The following NCOA1 variants were observed in gnomAD, a reference collection of about 807,000 sequenced individuals.
The protein encoded by NCOA1 is Hin-2 protein.
NCOA1 carries 35 observed loss-of-function variants against 150.9 expected under a neutral mutation model. That is an observed-to-expected ratio of 0.23 (90% CI 0.18 to 0.31). The LOEUF is 0.31. Among genes scored for constraint, NCOA1 ranks in the 10% least tolerant of loss-of-function variants. NCOA1 has a pLI of 1.00. For synonymous variants in NCOA1, 590 were observed against 630.0 expected, an observed-to-expected ratio of 0.94 and a Z score of 0.95; for missense variants, 1,491 against 1,749.3, an observed-to-expected ratio of 0.85 and a Z score of 2.63.
At chr2:24,744,458 C>G (rs1454853078) in intron 19 of NCOA1, among the ~76,000 whole-genome samples, 1 of 152,126 alleles carries the variant, frequency 6.6e-6, no homozygotes, top group African/African-American at 2.4e-5. Flanking sequence ...TTTAAAGATG[C>G]AATGTTTTTA....
intron 3 of NCOA1, among the ~76,000 whole-genome samples, chr2:24,601,274 A>G (rs1319213722): frequency 1.3e-5 from 2 of 151,202 alleles, no homozygotes; most frequent in Admixed American, 1.3e-4. Context: ...GTACAGTGGT[A>G]CAATCAGAGC....
At chr2:24,553,141 C>T (rs1482161847) in intron 1 of NCOA1, among the ~76,000 whole-genome samples, 5 of 151,754 alleles carry the variant, frequency 3.3e-5, no homozygotes, top group African/African-American at 9.7e-5. Flanking sequence ...GTTATAGATA[C>T]GTAGGTTGAG....
In NCOA1 at chr2:24,710,189, G is replaced by C. The variant is rs528599341; in HGVS notation, c.2419-742G>C. 3.3e-5 allele frequency among the ~76,000 whole-genome samples: 5 copies of C among 152,188 alleles called. No homozygotes were observed. The South Asian group carries it at 1.0e-3, about 32-fold the overall frequency. ...GCTCACTGCAACCTCCGCCTCCCAG[G>C]TTCAAGTGATCCTCCTGCCTCAGCC... On this transcript the variant is annotated intron_variant, in intron 13 of 22. Coordinates refer to ENST00000348332, the MANE Select transcript of NCOA1 (RefSeq NM_003743.5).
chr2:24,555,794 T>C (rs1666045018), intron 1 of NCOA1, among the ~76,000 whole-genome samples: 1 of 152,230 alleles, frequency 6.6e-6, no homozygotes, highest in South Asian at 2.1e-4. Context: ...ATTCTATCCT[T>C]TTTACTTAAC....
At chr2:24,655,888 A>G (rs1437340393) in intron 4 of NCOA1, among the ~76,000 whole-genome samples, 2 of 152,052 alleles carry the variant, frequency 1.3e-5, no homozygotes, top group East Asian at 3.9e-4. Flanking sequence ...GGAGATCGAG[A>G]CCATCCTGGC....
chr2:24,711,302 C>T (rs1402812111), intron 14 of NCOA1, 191 bp downstream of exon 14: 4 of 526,710 alleles, frequency 7.6e-6, no homozygotes, highest in Admixed American at 3.9e-5. Context: ...TAAATTATGA[C>T]CTCTATCCTT....
intron 3 of NCOA1, among the ~76,000 whole-genome samples, chr2:24,608,705 T>TG (rs1491512599): frequency 1.1e-4 from 2 of 18,994 alleles, no homozygotes; most frequent in African/African-American, 3.3e-4. Flanking sequence ...TGTTGTTGTG[T>TG]TTTTTTTTTT....
chr2:24,716,663 T>C (rs570120120), intron 14 of NCOA1, among the ~76,000 whole-genome samples: 3 of 152,294 alleles, frequency 2.0e-5, no homozygotes, highest in East Asian at 3.9e-4. Flanking sequence ...AAAGTGCTAA[T>C]CATGAAAGAA....
At chr2:24,586,511 C>T (rs1667419354) in intron 3 of NCOA1, among the ~76,000 whole-genome samples, 1 of 152,098 alleles carries the variant, frequency 6.6e-6, no homozygotes, top group Non-Finnish European at 1.5e-5. Flanking sequence ...CTCAGCCTTC[C>T]TAGCAGCTGG....
intron 7 of NCOA1, among the ~76,000 whole-genome samples, chr2:24,674,245 GC>G (rs1382888187): frequency 1.3e-5 from 2 of 150,224 alleles, no homozygotes; most frequent in Non-Finnish European, 3.0e-5. Context: ...TCGCTTTGTG[GC>G]CCATGCTGGA....
At chr2:24,597,799 T>C (rs1667941860) in intron 3 of NCOA1, among the ~76,000 whole-genome samples, 1 of 152,186 alleles carries the variant, frequency 6.6e-6, no homozygotes, top group Non-Finnish European at 1.5e-5. Context: ...ATTATTATAC[T>C]TTAAGTTCTA....
intron 3 of NCOA1, among the ~76,000 whole-genome samples, chr2:24,641,488 A>G (rs1203111724): frequency 6.6e-6 from 1 of 152,106 alleles, no homozygotes; most frequent in Non-Finnish European, 1.5e-5. Context: ...TTTATCTAGC[A>G]TCATCTCCCT....
chr2:24,496,996 G>A (rs78284207), intron 1 of NCOA1, among the ~76,000 whole-genome samples: 1 of 152,152 alleles, frequency 6.6e-6, no homozygotes, highest in Non-Finnish European at 1.5e-5. Flanking sequence ...AAAAACGTCT[G>A]CTTTTCTTGT....
At chr2:24,639,534 A>C (rs1363546307) in intron 3 of NCOA1, among the ~76,000 whole-genome samples, 1 of 152,092 alleles carries the variant, frequency 6.6e-6, no homozygotes, top group Non-Finnish European at 1.5e-5. Context: ...TCCATTGATT[A>C]GAATATTAAA....
chr2:24,681,578 A>G (rs868032354), intron 7 of NCOA1, among the ~76,000 whole-genome samples: 16 of 152,272 alleles, frequency 1.1e-4, no homozygotes, highest in Middle Eastern at 3.4e-3. Flanking sequence ...TGCTATCTCT[A>G]TAGCATTAGT....
At chr2:24,659,986 G>A (rs1244224487) in intron 5 of NCOA1, among the ~76,000 whole-genome samples, 3 of 151,836 alleles carry the variant, frequency 2.0e-5, no homozygotes, top group Non-Finnish European at 2.9e-5. Flanking sequence ...TCTCATGGGA[G>A]GAAAAAAAGG....
chr2:24,633,011 C>A (rs113784469), intron 3 of NCOA1, among the ~76,000 whole-genome samples: 14 of 151,824 alleles, frequency 9.2e-5, no homozygotes, highest in African/African-American at 3.4e-4. Context: ...ATAACAGAAA[C>A]CAAAATAAGC....
At chr2:24,519,232 G>C (rs1350626177) in intron 1 of NCOA1, among the ~76,000 whole-genome samples, 1 of 152,060 alleles carries the variant, frequency 6.6e-6, no homozygotes, top group African/African-American at 2.4e-5. Context: ...ATCATAAAAA[G>C]GAATGAAATA....
chr2:24,770,336 T>C lies in NCOA1; in HGVS notation c.*1945T>C, dbSNP rs1665262263. The C allele has an allele frequency of 4.3e-6, 1 of 230,050 alleles. No individual in the cohort carries two copies. The highest frequency in any genetic ancestry group is 6.2e-5 in the East Asian group (1 of 16,006). The allele number at this position is 230,050 out of a possible 1,614,324, so 14.3% of individuals were successfully genotyped here. A position where few individuals can be genotyped will look rare whatever the true frequency, so the allele number is the denominator to read the frequency against. On this transcript the variant is annotated 3_prime_UTR_variant, in exon 23 of 23. Coordinates refer to ENST00000348332, the MANE Select transcript of NCOA1 (RefSeq NM_003743.5). ...TTCCAGATGAAGTTTCCTGACTCAG[T>C]GCTTTTGCATAAGGAACTAGAAAAA... is the stretch of plus-strand genomic sequence containing the variant.
Sources: allele counts gnomAD v4.1 joint callset (sites outside exome capture counted in the v4.1 genomes callset), GRCh38; gene constraint gnomAD v4.1.1; transcripts MANE v1.5; gene names NCBI Gene and HGNC (gene_info 2026-07-23, HGNC 2026-07-21).